Variants in OSBPL2 observed in about 807,000 individuals in gnomAD.
OSBPL2 encodes oxysterol-binding protein-related protein 2.
In OSBPL2, 18 loss-of-function variants were observed where a neutral mutation model predicts 58.4. The observed-to-expected ratio is 0.31, with a 90% CI of 0.21 to 0.46. The LOEUF is 0.46. OSBPL2 is among the 20% of genes least tolerant of loss of function. OSBPL2 has a pLI of 1.00. For synonymous variants in OSBPL2, 221 were observed against 234.1 expected (o/e 0.94, Z 0.51); for missense variants, 461 against 616.5 (o/e 0.75, Z 2.67).
chr20:62,271,470 G>A (rs967120207), intron 4 of OSBPL2, among the ~76,000 whole-genome samples: 2 of 152,036 alleles, frequency 1.3e-5, no homozygotes, highest in Non-Finnish European at 2.9e-5. Flanking sequence ...TTTTGTTTTT[G>A]AGACGGAGTC....
At chr20:62,260,167 A>G (rs1333461498) in intron 3 of OSBPL2, 42 bp downstream of exon 3, 3 of 1,594,374 alleles carry the variant, frequency 1.9e-6, no homozygotes, top group East Asian at 2.2e-5. Context: ...TGTGTCTGTA[A>G]TCACCCCAAA....
chr20:62,294,098 T>C lies in OSBPL2; in HGVS notation c.*211T>C. Reference sequence around the variant, plus strand: ...GTGCCGTCTCTTCATAAAGCTTCACTTGGGATCATCGTCTTCATTAAGGTT... The same window carrying C: ...GTGCCGTCTCTTCATAAAGCTTCACCTGGGATCATCGTCTTCATTAAGGTT... On this transcript the variant is annotated 3_prime_UTR_variant, in exon 14 of 14. Coordinates refer to ENST00000313733, the MANE Select transcript of OSBPL2 (RefSeq NM_144498.4). 1.5e-6 allele frequency: 1 copy of C among 649,662 alleles called. No homozygotes were observed. The allele number at this position is 649,662 out of a possible 1,614,324, so 40.2% of individuals were successfully genotyped here. A position where few individuals can be genotyped will look rare whatever the true frequency, so the allele number is the denominator to read the frequency against.
intron 4 of OSBPL2, among the ~76,000 whole-genome samples, chr20:62,264,075 A>G (rs1043862334): frequency 1.2e-4 from 18 of 152,074 alleles, no homozygotes; most frequent in African/African-American, 4.3e-4. Flanking sequence ...CAAAAAAAAA[A>G]AAAAAAGAAA....
chr20:62,289,475 C>T lies in OSBPL2; in HGVS notation c.1249+145C>T, dbSNP rs190728459. 1.4e-4 allele frequency: 131 copies of T among 965,516 alleles called. 1 individual carries two copies. In the African/African-American group the frequency reaches 1.9e-3, roughly 14 times the overall value. The allele number at this position is 965,516 out of a possible 1,614,324, so 59.8% of individuals were successfully genotyped here. On this transcript the variant is annotated intron_variant, in intron 12 of 13. Coordinates refer to ENST00000313733, the MANE Select transcript of OSBPL2 (RefSeq NM_144498.4). The stretch of plus-strand genomic sequence containing the variant: ...TCTCCCTAAACAAACAGGCAGGCTG[C>T]AGGCCTTCTAACTAGGCTTCTCAGA...
chr20:62,240,041 TG>T (rs1489971291), intron 1 of OSBPL2, among the ~76,000 whole-genome samples: 1 of 151,958 alleles, frequency 6.6e-6, no homozygotes, highest in African/African-American at 2.4e-5. Context: ...TTAGTAGAGA[TG>T]GGGTTTTACC....
At chr20:62,239,450 G>T (rs528563993) in intron 1 of OSBPL2, among the ~76,000 whole-genome samples, 2 of 152,306 alleles carry the variant, frequency 1.3e-5, no homozygotes, top group East Asian at 1.9e-4. Flanking sequence ...GGGTGTCGGG[G>T]TGTTGCAGGC....
At chr20:62,245,025 A>G (rs1014137748) in intron 1 of OSBPL2, among the ~76,000 whole-genome samples, 6 of 152,018 alleles carry the variant, frequency 3.9e-5, no homozygotes, top group African/African-American at 1.5e-4. Flanking sequence ...CGCGTAGCAC[A>G]GGGCCTTCCC....
intron 1 of OSBPL2, among the ~76,000 whole-genome samples, chr20:62,243,447 CGCAGCGCCTGCCCCGCAGCGCCTGCCCG>C (rs56192484): frequency 0.39 from 57,429 of 148,102 alleles, 12,269 homozygotes; most frequent in East Asian, 0.52. Context: ...GCCCCTGCCC[CGCAGCGCCTGCCCCGCAGCGCCTGCCCG>C]GCAGCTCCGC....
Position 62,271,968 on chromosome 20 carries a change from G to A in OSBPL2, c.259-157G>A, listed in dbSNP as rs137910828. Among the ~76,000 whole-genome samples the A allele has an allele frequency of 3.7e-3, 570 of 152,288 alleles. 1 individual carries two copies. Among genetic ancestry groups the A allele is most frequent in the Middle Eastern group, 0.014 (4 of 294 alleles). On this transcript the variant is annotated intron_variant, in intron 4 of 13. Transcript: ENST00000313733. ...CAGCTGAGGCTCACAGGGCAGGGCC[G>A]ATGGGGCAGGGAGTGGCTCACCCAT...
At chr20:62,273,262 G>GT (rs752576005) in intron 5 of OSBPL2, 47 bp from the exon 6 acceptor site, 3 of 1,487,692 alleles carry the variant, frequency 2.0e-6, no homozygotes, top group Non-Finnish European at 2.8e-6. Flanking sequence ...TCTCCAGCGC[G>GT]TTTCCTAACT....
chr20:62,244,420 C>T (rs1442730146), intron 1 of OSBPL2, among the ~76,000 whole-genome samples: 2 of 152,204 alleles, frequency 1.3e-5, no homozygotes, highest in African/African-American at 4.8e-5. Context: ...GAGTGCTCTC[C>T]CTGCCCTCCG....
rs1289666490 is a variant in OSBPL2 at position 62,295,020 on chromosome 20, T to G, written c.*1133T>G. On this transcript the variant is annotated 3_prime_UTR_variant, in exon 14 of 14. Transcript: ENST00000313733. This position sits in a 1 kb window ranked among gnomAD's most constrained non-coding sequence, Gnocchi z 4.8. ...CAGGCTGGAGTGCAATGGCATGATC[T>G]CGGCTCACCGCAACCTCCGCCTCCC... 1 of 149,882 alleles carries G rather than the reference T, an allele frequency of 6.7e-6. No homozygotes were observed. The highest frequency in any genetic ancestry group is 2.5e-5 in the African/African-American group (1 of 40,484). 9.3% of individuals were successfully genotyped at this position (149,882 alleles called of 1,614,324 possible).
intron 9 of OSBPL2, among the ~76,000 whole-genome samples, chr20:62,283,194 C>T (rs868701823): frequency 6.6e-6 from 1 of 152,290 alleles, no homozygotes; most frequent in Middle Eastern, 3.4e-3. Context: ...TCAGTGAGTG[C>T]ATGTAAAGTG....
intron 1 of OSBPL2, among the ~76,000 whole-genome samples, chr20:62,242,924 C>T (rs1293047971): frequency 6.6e-6 from 1 of 152,018 alleles, no homozygotes; most frequent in Non-Finnish European, 1.5e-5. Flanking sequence ...CCAGAAAAGA[C>T]GGAGGCAGCT....
intron 3 of OSBPL2, among the ~76,000 whole-genome samples, chr20:62,261,764 T>C (rs182006990): frequency 6.6e-6 from 1 of 152,266 alleles, no homozygotes; most frequent in African/African-American, 2.4e-5. Context: ...CATTTGTGTA[T>C]ATGTGTATTT....
chr20:62,238,939 C>T (rs1217117979), intron 1 of OSBPL2: 1 of 152,064 alleles, frequency 6.6e-6, no homozygotes, highest in Non-Finnish European at 1.5e-5. Flanking sequence ...CCCCGAGATC[C>T]CCAGCCCCCC....
At chr20:62,283,428 C>T (rs751250908) in intron 9 of OSBPL2, among the ~76,000 whole-genome samples, 2 of 152,054 alleles carry the variant, frequency 1.3e-5, no homozygotes, top group African/African-American at 2.4e-5. Context: ...CAGCAAGAGG[C>T]GAAAGGAGAA....
intron 3 of OSBPL2, among the ~76,000 whole-genome samples, chr20:62,262,083 A>AC (rs11307126): frequency 1.1e-3 from 152 of 142,142 alleles, no homozygotes; most frequent in African/African-American, 3.5e-3. Flanking sequence ...ACAGATCTGG[A>AC]CCCCCCCCCC....
chr20:62,283,507 A>G (rs1214473567), intron 9 of OSBPL2, among the ~76,000 whole-genome samples: 2 of 152,264 alleles, frequency 1.3e-5, no homozygotes, highest in East Asian at 3.9e-4. Context: ...GCCACTCTGC[A>G]AAGGTCTCTG....
Sources: gnomAD v4.1 joint callset for allele counts (sites outside exome capture counted in the v4.1 genomes callset) on GRCh38, gnomAD v4.1.1 for gene constraint, Gnocchi (gnomAD v3.1) non-coding constraint, MANE v1.5 for transcripts, NCBI Gene and HGNC (gene_info 2026-07-23, HGNC 2026-07-21) for gene names.